PDE2A: variants seen among roughly 807,000 people sequenced by gnomAD.
PDE2A encodes phosphodiesterase 2A.
A neutral mutation model predicts 133.6 loss-of-function variants in PDE2A; 53 were observed. The ratio of observed to expected loss-of-function variants is 0.40; its 90% CI spans 0.32 to 0.50. PDE2A has a LOEUF of 0.50. PDE2A is among the 20% of genes least tolerant of loss of function. The pLI is 0.73. For missense variants in PDE2A, 796 were observed against 1,232.4 expected (o/e 0.65, Z 5.30); for synonymous variants, 491 against 490.2 (o/e 1.00, Z -0.02).
intron 1 of PDE2A, among the ~76,000 whole-genome samples, chr11:72,655,060 G>A (rs1046623884): frequency 2.0e-5 from 3 of 152,190 alleles, no homozygotes; most frequent in South Asian, 2.1e-4. Flanking sequence ...GGGAAGGTGT[G>A]GGGCTGGCAG....
At chr11:72,667,024 T>G (rs191477304) in intron 1 of PDE2A, among the ~76,000 whole-genome samples, 33 of 152,262 alleles carry the variant, frequency 2.2e-4, no homozygotes, top group African/African-American at 7.9e-4. Context: ...GAGAATAGCT[T>G]GAGCCTGGGA....
Position 72,578,221 on chromosome 11 carries a change from GA to G in PDE2A, c.2615+11del. On this transcript the variant is annotated intron_variant, in intron 30 of 30. Transcript: ENST00000334456. The surrounding 1 kb of genome is among the most constrained non-coding windows in gnomAD (Gnocchi z 4.2). ...TGTGCAGGGTGCAGCTTGTCCCCAT[GA>G]GCTCACTCACTTGTAGATGGGCATT... The G allele has an allele frequency of 6.6e-7, 1 of 1,523,808 alleles. No individual in the cohort carries two copies. The highest frequency in any genetic ancestry group is 2.2e-5 in the East Asian group (1 of 44,518). 94.4% of individuals were successfully genotyped at this position (1,523,808 alleles called of 1,614,324 possible).
At chr11:72,579,143 G>T in intron 27 of PDE2A, 134 bp from the exon 28 acceptor site, 1 of 935,908 alleles carries the variant, frequency 1.1e-6, no homozygotes, top group South Asian at 1.4e-5. Context: ...GCCAGTGCTG[G>T]GTCTGCCTGG....
Position 72,668,583 on chromosome 11 carries a change from C to T in PDE2A, c.71+5554G>A, listed in dbSNP as rs189168324. 1.6e-3 allele frequency among the ~76,000 whole-genome samples: 247 copies of T among 152,364 alleles called. 1 individual carries two copies. Among genetic ancestry groups the T allele is most frequent in the African/African-American group, 5.8e-3 (242 of 41,588 alleles). ...CACACAGCCCAGCACCCACCAGGGC[C>T]GGCCCTCGGCCAGCCTTGGCAGCAG... On this transcript the variant is annotated intron_variant, in intron 1 of 30. Coordinates refer to ENST00000334456, the MANE Select transcript of PDE2A (RefSeq NM_002599.5).
At chr11:72,609,366 C>T (rs1857104679) in intron 2 of PDE2A, among the ~76,000 whole-genome samples, 2 of 152,216 alleles carry the variant, frequency 1.3e-5, no homozygotes, top group Admixed American at 6.5e-5. Context: ...AGCTGGGTCC[C>T]GCTCACTTTC....
intron 3 of PDE2A, among the ~76,000 whole-genome samples, chr11:72,607,454 C>T (rs921902254): frequency 6.6e-6 from 1 of 152,192 alleles, no homozygotes; most frequent in Non-Finnish European, 1.5e-5. Flanking sequence ...TTAGTCCCGT[C>T]CTTCTCCAGG....
At chr11:72,585,013 G>A (rs1354933558) in intron 16 of PDE2A, 69 bp from the exon 17 acceptor site, 13 of 1,491,286 alleles carry the variant, frequency 8.7e-6, no homozygotes, top group Admixed American at 3.3e-5. Context: ...GTCCCATAAG[G>A]AGGCAAAGGC....
chr11:72,639,573 A>G (rs1364681672), intron 2 of PDE2A, among the ~76,000 whole-genome samples: 1 of 152,084 alleles, frequency 6.6e-6, no homozygotes. Context: ...GCGGAGCACG[A>G]AGTGGTGTAG....
At chr11:72,591,270 A>T in intron 7 of PDE2A, 27 bp downstream of exon 7, 1 of 1,594,338 alleles carries the variant, frequency 6.3e-7, no homozygotes, top group Non-Finnish European at 8.6e-7. Context: ...CTTCAGCCTC[A>T]TTGCACATGG....
At chr11:72,634,671 C>T (rs1407278489) in intron 2 of PDE2A, among the ~76,000 whole-genome samples, 1 of 152,256 alleles carries the variant, frequency 6.6e-6, no homozygotes, top group Non-Finnish European at 1.5e-5. Context: ...ACTCAGGAGG[C>T]AGTGAAACAC....
chr11:72,639,074 C>T (rs1375094272), intron 2 of PDE2A, among the ~76,000 whole-genome samples: 1 of 152,246 alleles, frequency 6.6e-6, no homozygotes, highest in African/African-American at 2.4e-5. Flanking sequence ...CTAAGCCTTC[C>T]AATCTCAAGG....
intron 1 of PDE2A, chr11:72,668,502 T>C (rs1454184555): frequency 5.7e-6 from 4 of 698,038 alleles, no homozygotes; most frequent in Non-Finnish European, 1.0e-5. Flanking sequence ...CCCCAACACA[T>C]AGCAAGCCAG....
At chr11:72,636,359 G>A (rs1858696031) in intron 2 of PDE2A, among the ~76,000 whole-genome samples, 1 of 152,184 alleles carries the variant, frequency 6.6e-6, no homozygotes, top group East Asian at 1.9e-4. Context: ...AGACATTTTT[G>A]GATTTGAATT....
At chr11:72,613,507 C>A (rs1240101089) in intron 2 of PDE2A, among the ~76,000 whole-genome samples, 1 of 151,918 alleles carries the variant, frequency 6.6e-6, no homozygotes, top group Non-Finnish European at 1.5e-5. Context: ...TCCTCCCTGC[C>A]TCCCCCGGCC....
chr11:72,621,353 G>A (rs1235022698), intron 2 of PDE2A, among the ~76,000 whole-genome samples: 1 of 152,202 alleles, frequency 6.6e-6, no homozygotes, highest in East Asian at 1.9e-4. Flanking sequence ...AGCTGAAGCT[G>A]GGGCTGAGCC....
At chr11:72,582,855 C>T (rs577913353) in intron 20 of PDE2A, among the ~76,000 whole-genome samples, 1 of 152,342 alleles carries the variant, frequency 6.6e-6, no homozygotes, top group Admixed American at 6.5e-5. Context: ...GCATTTCATA[C>T]ACAGTAACTG....
At chr11:72,625,281 C>T (rs1292576323) in intron 2 of PDE2A, among the ~76,000 whole-genome samples, 3 of 152,250 alleles carry the variant, frequency 2.0e-5, no homozygotes, top group African/African-American at 7.2e-5. Flanking sequence ...GGTGCTGGCT[C>T]TACTGGGATG....
chr11:72,657,476 C>T (rs2135454345), intron 1 of PDE2A, among the ~76,000 whole-genome samples: 1 of 152,304 alleles, frequency 6.6e-6, no homozygotes, highest in Non-Finnish European at 1.5e-5. Flanking sequence ...GCCCCTGCCC[C>T]TCCCACTCCT....
intron 25 of PDE2A, 44 bp from the exon 26 acceptor site, chr11:72,579,652 C>A (rs950224245): frequency 7.2e-7 from 1 of 1,389,118 alleles, no homozygotes; most frequent in Non-Finnish European, 1.0e-6. Context: ...GGCAGATGGG[C>A]TCCCTTACCA....
Sources: gnomAD v4.1 joint callset for allele counts (sites outside exome capture counted in the v4.1 genomes callset) on GRCh38, gnomAD v4.1.1 for gene constraint, Gnocchi (gnomAD v3.1) non-coding constraint, MANE v1.5 for transcripts, NCBI Gene and HGNC (gene_info 2026-07-23, HGNC 2026-07-21) for gene names.